Variants in NKD1 observed in about 807,000 individuals in gnomAD.
NKD1 encodes protein naked cuticle homolog 1.
In NKD1, 21 loss-of-function variants were observed where a neutral mutation model predicts 56.0. The ratio of observed to expected loss-of-function variants is 0.38; its 90% confidence interval spans 0.27 to 0.54. The LOEUF is 0.54. NKD1 is among the 20% of genes least tolerant of loss of function. The pLI, the probability that NKD1 is intolerant of heterozygous loss-of-function variation, is 0.82. For missense variants in NKD1, 578 were observed against 642.7 expected, an observed-to-expected ratio of 0.90 and a Z score of 1.09; for synonymous variants, 263 against 265.7, an observed-to-expected ratio of 0.99 and a Z score of 0.10.
intron 3 of NKD1, among the ~76,000 whole-genome samples, chr16:50,549,819 G>C (rs905647034): frequency 1.3e-5 from 2 of 152,176 alleles, no homozygotes; most frequent in Non-Finnish European, 2.9e-5. Flanking sequence ...ATGGGGAATC[G>C]TGTCTGTACC....
In NKD1 at chr16:50,548,495, G is replaced by T; in HGVS notation, c.-59G>T. On this transcript the variant is annotated 5_prime_UTR_variant, in exon 1 of 10. Coordinates refer to ENST00000268459, the MANE Select transcript of NKD1 (RefSeq NM_033119.5). The stretch of plus-strand genomic sequence containing the variant: ...CGGGAGGAGGAGAGCCAAGGGAGGC[G>T]CCAGGCCCGCGGGCCGGGCGCATGG... 3 of 1,382,846 alleles carry T rather than the reference G, an allele frequency of 2.2e-6. No homozygotes were observed. Among genetic ancestry groups the T allele is most frequent in the Non-Finnish European group, 2.8e-6 (3 of 1,061,874 alleles). The allele number at this position is 1,382,846 out of a possible 1,614,324, so 85.7% of individuals were successfully genotyped here.
intron 3 of NKD1, among the ~76,000 whole-genome samples, chr16:50,577,079 C>A (rs1465770455): frequency 2.0e-5 from 3 of 152,160 alleles, no homozygotes; most frequent in Non-Finnish European, 4.4e-5. Context: ...ATATTTTACA[C>A]CATTCAGAGC....
rs1962698263 is a variant in NKD1, at chr16:50,647,232, A to T, written c.*13451A>T. ...GGCAAAGTCCTCACCTTTGCCAGTG[A>T]CTGATTCAGGAAAGATCATGTGTGA... On this transcript the variant is annotated 3_prime_UTR_variant, in exon 10 of 10. Coordinates refer to ENST00000268459, the MANE Select transcript of NKD1 (RefSeq NM_033119.5). The T allele has an allele frequency of 6.6e-6, 1 of 152,184 alleles. No homozygotes were observed. Among genetic ancestry groups the T allele is most frequent in the African/African-American group, 2.4e-5 (1 of 41,442 alleles). 9.4% of individuals were successfully genotyped at this position (152,184 alleles called of 1,614,324 possible).
chr16:50,589,806 C>T (rs1296907594), intron 3 of NKD1, among the ~76,000 whole-genome samples: 1 of 114,028 alleles, frequency 8.8e-6, no homozygotes, highest in Non-Finnish European at 1.7e-5. Flanking sequence ...CCTCTCCTCT[C>T]CTCTCCTCTC....
chr16:50,580,057 C>T (rs1186768758), intron 3 of NKD1, among the ~76,000 whole-genome samples: 1 of 152,084 alleles, frequency 6.6e-6, no homozygotes, highest in Non-Finnish European at 1.5e-5. Flanking sequence ...TGTCTTGGTC[C>T]CACCGGCTAG....
rs58760004 is a variant in NKD1 at position 50,589,694 on chromosome 16, T to TTTCTC, written c.193-18533_193-18529dup. Among the ~76,000 whole-genome samples, 95 of 120,666 alleles carry TTTCTC rather than the reference T, an allele frequency of 7.9e-4. 1 individual carries two copies. Among genetic ancestry groups the TTTCTC allele is most frequent in the East Asian group, 1.3e-3 (5 of 3,722 alleles). 79.2% of individuals were successfully genotyped at this position (120,666 alleles called of 152,430 possible). A position where few individuals can be genotyped will look rare whatever the true frequency, so the allele number is the denominator to read the frequency against. On this transcript the variant is annotated intron_variant, in intron 3 of 9. Transcript: ENST00000268459. ...GCCTTTGCTGAATGCTTTCTTTTCT[T>TTTCTC]TTCTCTTCTCTTCTCTTCTCTTCTC...
At chr16:50,609,314 G>T (rs1961789245) in intron 4 of NKD1, among the ~76,000 whole-genome samples, 1 of 152,262 alleles carries the variant, frequency 6.6e-6, no homozygotes, top group South Asian at 2.1e-4. Flanking sequence ...CAGAGTTGGT[G>T]CCAGGAACGG....
Position 50,635,907 on chromosome 16 carries a change from C to A in NKD1, c.*2126C>A, listed in dbSNP as rs528188222. The A allele has an allele frequency of 6.6e-6, 1 of 152,384 alleles. No homozygotes were observed. Among genetic ancestry groups the A allele is most frequent in the African/African-American group, 2.4e-5 (1 of 41,590 alleles). The allele number at this position is 152,384 out of a possible 1,614,324, so 9.4% of individuals were successfully genotyped here. On this transcript the variant is annotated 3_prime_UTR_variant, in exon 10 of 10. Coordinates refer to ENST00000268459, the MANE Select transcript of NKD1 (RefSeq NM_033119.5). This position sits in a 1 kb window ranked among gnomAD's most constrained non-coding sequence, Gnocchi z 4.1. ...AGGGAGGGAACTGGCTTTGAGATGA[C>A]AGGGTCCAGGATGTGAATGCAGCTG...
At position 50,588,970 on chromosome 16, in the gene NKD1, C is replaced by T. The variant is rs948314906; in HGVS notation, c.193-19324C>T. 2.6e-5 allele frequency among the ~76,000 whole-genome samples: 4 copies of T among 152,118 alleles called. No individual in the cohort carries two copies. In the East Asian group the frequency reaches 7.7e-4, roughly 29 times the overall value. ...TAGAATGGGGAAGTAGCAACGTCTGCCTCATGGTTGTTGTGACGATTAAAT... is the reference window on the plus strand; with the variant it reads ...TAGAATGGGGAAGTAGCAACGTCTGTCTCATGGTTGTTGTGACGATTAAAT... On this transcript the variant is annotated intron_variant, in intron 3 of 9. Transcript: ENST00000268459.
intron 3 of NKD1, among the ~76,000 whole-genome samples, chr16:50,588,164 A>G (rs1023860946): frequency 5.3e-5 from 8 of 152,246 alleles, no homozygotes; most frequent in African/African-American, 1.9e-4. Context: ...ATACATGGAA[A>G]GGAAAACTTA....
At chr16:50,584,899 G>A (rs549239472) in intron 3 of NKD1, among the ~76,000 whole-genome samples, 5 of 152,300 alleles carry the variant, frequency 3.3e-5, no homozygotes, top group South Asian at 2.1e-4. Context: ...CTGGGCTGTC[G>A]TCTGTAGATC....
chr16:50,611,859 T>C (rs1447338955), intron 4 of NKD1, among the ~76,000 whole-genome samples: 6 of 152,172 alleles, frequency 3.9e-5, no homozygotes, highest in Admixed American at 3.9e-4. Flanking sequence ...AATGAGGTGA[T>C]GGATGTAGGT....
intron 3 of NKD1, among the ~76,000 whole-genome samples, chr16:50,585,365 C>T (rs930044908): frequency 2.6e-5 from 4 of 152,146 alleles, no homozygotes; most frequent in African/African-American, 7.2e-5. Context: ...GAGGAGAAGG[C>T]GCCCGGCAGC....
intron 3 of NKD1, among the ~76,000 whole-genome samples, chr16:50,589,768 TCTCCTCTCCTCTC>T (rs1961320555): frequency 2.7e-4 from 21 of 77,864 alleles, no homozygotes; most frequent in African/African-American, 8.2e-4. Context: ...TCTTCTCTCC[TCTCCTCTCCTCTC>T]CTCTCCTCTC....
intron 3 of NKD1, chr16:50,572,804 A>G: frequency 1.3e-6 from 1 of 798,806 alleles, no homozygotes; most frequent in Non-Finnish European, 1.5e-6. Flanking sequence ...ATCCAAAGCC[A>G]GTTTCTTTCA....
intron 3 of NKD1, among the ~76,000 whole-genome samples, chr16:50,595,487 C>CA (rs758965050): frequency 3.0e-4 from 45 of 152,224 alleles, no homozygotes; most frequent in Admixed American, 1.1e-3. Flanking sequence ...ATGTGGGGCT[C>CA]AGACAGCAGA....
At chr16:50,574,424 C>G in intron 3 of NKD1, 1 of 985,406 alleles carries the variant, frequency 1.0e-6, no homozygotes, top group Non-Finnish European at 1.2e-6. Context: ...GCCGTCTTCC[C>G]CCAGGGACTA....
chr16:50,576,997 T>C (rs906940040), intron 3 of NKD1, among the ~76,000 whole-genome samples: 1 of 152,174 alleles, frequency 6.6e-6, no homozygotes, highest in Non-Finnish European at 1.5e-5. Flanking sequence ...GAGGTGCCCA[T>C]TGTGTTGCGG....
intron 4 of NKD1, among the ~76,000 whole-genome samples, chr16:50,611,871 G>A (rs9926348): frequency 2.6e-5 from 4 of 152,068 alleles, no homozygotes; most frequent in East Asian, 1.9e-4. Context: ...GATGTAGGTC[G>A]CAAGGGTGGC....
Sources: allele counts gnomAD v4.1 joint callset (sites outside exome capture counted in the v4.1 genomes callset), GRCh38; gene constraint gnomAD v4.1.1; non-coding constraint Gnocchi (gnomAD v3.1); transcripts MANE v1.5; gene names NCBI Gene and HGNC (gene_info 2026-07-23, HGNC 2026-07-21).